The following KDM4B variants were observed in gnomAD, a reference collection of about 807,000 sequenced individuals.
The protein encoded by KDM4B is lysine demethylase 4B.
A neutral mutation model predicts 125.2 loss-of-function variants in KDM4B; 32 were observed. The ratio of observed to expected loss-of-function variants is 0.26; its 90% CI spans 0.19 to 0.34. The LOEUF (loss-of-function observed/expected upper bound fraction) is 0.34, where lower values mean the gene tolerates loss of function less well. Ranked by LOEUF, KDM4B falls within the 10% of genes least tolerant of loss-of-function variation. The pLI, the probability that KDM4B is intolerant of heterozygous loss-of-function variation, is 1.00. For synonymous variants in KDM4B, 721 were observed against 677.9 expected, an observed-to-expected ratio of 1.06 and a Z score of -0.99; for missense variants, 1,190 against 1,577.7, an observed-to-expected ratio of 0.75 and a Z score of 4.16.
intron 6 of KDM4B, among the ~76,000 whole-genome samples, chr19:5,061,940 G>A (rs1446899065): frequency 6.6e-6 from 1 of 152,208 alleles, no homozygotes; most frequent in Non-Finnish European, 1.5e-5. Context: ...TGCCTTGGGA[G>A]GAGCCGTGCA....
chr19:5,086,345 C>G (rs1568287543), intron 9 of KDM4B, among the ~76,000 whole-genome samples: 3 of 152,092 alleles, frequency 2.0e-5, no homozygotes, highest in Non-Finnish European at 4.4e-5. Context: ...TAGGCCGACG[C>G]TGTGCCGTCT....
chr19:4,989,255 G>C (rs527393516), intron 1 of KDM4B, among the ~76,000 whole-genome samples: 1 of 152,218 alleles, frequency 6.6e-6, no homozygotes, highest in Non-Finnish European at 1.5e-5. Context: ...GGGCAGGGGG[G>C]CCGTGTTCAC....
At chr19:5,127,683 G>T (rs1365036962) in intron 11 of KDM4B, among the ~76,000 whole-genome samples, 1 of 152,210 alleles carries the variant, frequency 6.6e-6, no homozygotes, top group Admixed American at 6.5e-5. Context: ...AGGGCTGTGG[G>T]GAAGCGGGAC....
intron 21 of KDM4B, among the ~76,000 whole-genome samples, chr19:5,148,125 G>A (rs982814790): frequency 7.9e-5 from 12 of 152,250 alleles, no homozygotes; most frequent in Non-Finnish European, 4.4e-5. Flanking sequence ...GAGACGTGCC[G>A]GGCAAGACGT....
chr19:4,997,487 C>T lies in KDM4B; in HGVS notation c.-108-18770C>T, dbSNP rs1346431124. 2.6e-5 allele frequency among the ~76,000 whole-genome samples: 4 copies of T among 152,130 alleles called. No homozygotes were observed. The highest frequency in any genetic ancestry group is 2.1e-4 in the South Asian group (1 of 4,830). On this transcript the variant is annotated intron_variant, in intron 1 of 22. Coordinates refer to ENST00000159111, the MANE Select transcript of KDM4B (RefSeq NM_015015.3). The surrounding 1 kb of genome is among the most constrained non-coding windows in gnomAD (Gnocchi z 4.2). Reference sequence around the variant, plus strand: ...TGTCCACCCCAGCCGGCTGGGCCTGCGTACCCAGTGGGTGGCGCTCAGGTC... The same window carrying T: ...TGTCCACCCCAGCCGGCTGGGCCTGTGTACCCAGTGGGTGGCGCTCAGGTC...
intron 9 of KDM4B, among the ~76,000 whole-genome samples, chr19:5,104,346 T>C (rs2038995520): frequency 6.6e-6 from 1 of 152,240 alleles, no homozygotes; most frequent in Non-Finnish European, 1.5e-5. Flanking sequence ...AAAACTACAT[T>C]AATTCAGACT....
In KDM4B at chr19:5,152,374, C is replaced by T. The variant is rs904072509; in HGVS notation, c.*863C>T. 1 of 152,266 alleles carries T rather than the reference C, an allele frequency of 6.6e-6. No individual in the cohort carries two copies. The highest frequency in any genetic ancestry group is 1.9e-4 in the East Asian group (1 of 5,200). 9.4% of individuals were successfully genotyped at this position (152,266 alleles called of 1,614,324 possible). On this transcript the variant is annotated 3_prime_UTR_variant, in exon 23 of 23. Transcript: ENST00000159111. ...GGTTTGTCTATCTTTGTTTCTCTCACCTGAGAGAAACGCAGGTGTTCCAGA... is the reference window on the plus strand; with the variant it reads ...GGTTTGTCTATCTTTGTTTCTCTCATCTGAGAGAAACGCAGGTGTTCCAGA...
intron 9 of KDM4B, among the ~76,000 whole-genome samples, chr19:5,095,109 G>A (rs985062696): frequency 5.3e-5 from 8 of 152,264 alleles, no homozygotes; most frequent in South Asian, 4.1e-4. Flanking sequence ...GCCCCTGCCC[G>A]TCCCCATCCC....
intron 1 of KDM4B, among the ~76,000 whole-genome samples, chr19:5,013,153 G>A (rs2035782225): frequency 6.6e-6 from 1 of 152,232 alleles, no homozygotes; most frequent in African/African-American, 2.4e-5. Flanking sequence ...CCGGGCTGAG[G>A]TCTGTCCAGC....
At chr19:5,109,548 G>C (rs933808000) in intron 9 of KDM4B, among the ~76,000 whole-genome samples, 1 of 152,136 alleles carries the variant, frequency 6.6e-6, no homozygotes, top group African/African-American at 2.4e-5. Context: ...CTTGCCACTC[G>C]CTTGACGTTC....
Position 5,111,457 on chromosome 19 carries a change from G to A in KDM4B, c.1115+639G>A, listed in dbSNP as rs368919809. 3.3e-4 allele frequency: 252 copies of A among 765,314 alleles called. 2 individuals carry two copies. The African/African-American group carries it at 4.0e-3, about 12-fold the overall frequency. 47.4% of individuals were successfully genotyped at this position (765,314 alleles called of 1,614,324 possible). A position where few individuals can be genotyped will look rare whatever the true frequency, so the allele number is the denominator to read the frequency against. The stretch of plus-strand genomic sequence containing the variant: ...TGGAGGAGAGGCCAAAGCATCTGCA[G>A]CCTCTTGGCTTCTGACCACAAGAGG... On this transcript the variant is annotated intron_variant, in intron 10 of 22. Coordinates refer to ENST00000159111, the MANE Select transcript of KDM4B (RefSeq NM_015015.3).
chr19:5,069,936 T>G (rs1018484003), intron 6 of KDM4B, among the ~76,000 whole-genome samples: 1 of 152,160 alleles, frequency 6.6e-6, no homozygotes, highest in African/African-American at 2.4e-5. Context: ...CAAAGTGGCC[T>G]TTCAGCTGGA....
At chr19:5,091,474 G>A (rs993606648) in intron 9 of KDM4B, among the ~76,000 whole-genome samples, 9 of 152,108 alleles carry the variant, frequency 5.9e-5, no homozygotes, top group Non-Finnish European at 1.3e-4. Context: ...ATTCCCCAGA[G>A]GCGCCATTCC....
intron 6 of KDM4B, among the ~76,000 whole-genome samples, chr19:5,059,222 C>G (rs75911167): frequency 6.6e-6 from 1 of 152,198 alleles, no homozygotes; most frequent in Non-Finnish European, 1.5e-5. Flanking sequence ...AGCAAATCTG[C>G]GGGAGGAGAG....
At chr19:5,097,064 C>T (rs894364213) in intron 9 of KDM4B, among the ~76,000 whole-genome samples, 5 of 152,154 alleles carry the variant, frequency 3.3e-5, no homozygotes, top group Non-Finnish European at 5.9e-5. Flanking sequence ...GAACAAGGCA[C>T]GTGCCCCATG....
chr19:5,057,026 A>ATGTG (rs1404957430), intron 6 of KDM4B, among the ~76,000 whole-genome samples: 2 of 124,894 alleles, frequency 1.6e-5, no homozygotes, highest in African/African-American at 7.2e-5. Context: ...CCAGATATAT[A>ATGTG]TGCGTGTGTG....
At chr19:4,974,958 G>A (rs755875753) in intron 1 of KDM4B, among the ~76,000 whole-genome samples, 32 of 151,698 alleles carry the variant, frequency 2.1e-4, no homozygotes, top group Non-Finnish European at 2.2e-4. Flanking sequence ...TGGCACAGCC[G>A]CCTTCCCTGC....
chr19:5,009,401 G>A (rs748581261), intron 1 of KDM4B, among the ~76,000 whole-genome samples: 15 of 152,204 alleles, frequency 9.9e-5, no homozygotes, highest in Non-Finnish European at 1.9e-4. Context: ...GAATTCAGCA[G>A]GTTTGGTCTT....
intron 2 of KDM4B, among the ~76,000 whole-genome samples, chr19:5,027,432 C>T (rs2036314673): frequency 6.6e-6 from 1 of 152,208 alleles, no homozygotes; most frequent in Admixed American, 6.5e-5. Context: ...TCCTTGTCCT[C>T]TCTCAGCTGA....
Sources: gnomAD v4.1 joint callset for allele counts (sites outside exome capture counted in the v4.1 genomes callset) on GRCh38, gnomAD v4.1.1 for gene constraint, Gnocchi (gnomAD v3.1) non-coding constraint, MANE v1.5 for transcripts, NCBI Gene and HGNC (gene_info 2026-07-23, HGNC 2026-07-21) for gene names.